Variants in CNTN4 observed in about 807,000 individuals in gnomAD.
CNTN4 encodes the protein contactin-4.
CNTN4 carries 77 observed loss-of-function variants against 122.5 expected under a neutral mutation model. The observed-to-expected ratio is 0.63, with a 90% CI of 0.52 to 0.76. The LOEUF (loss-of-function observed/expected upper bound fraction) is 0.76, where lower values mean the gene tolerates loss of function less well. CNTN4 is among the 30% of genes least tolerant of loss of function. The pLI is 0.00. For synonymous variants in CNTN4, 512 were observed against 447.0 expected (o/e 1.15, Z -1.83); for missense variants, 1,256 against 1,259.1 (o/e 1.00, Z 0.04).
chr3:2,166,257 A>C (rs1481243789), intron 2 of CNTN4, among the ~76,000 whole-genome samples: 1 of 152,122 alleles, frequency 6.6e-6, no homozygotes, highest in Non-Finnish European at 1.5e-5. Flanking sequence ...CGCAAATCAA[A>C]ACCACAATGA....
intron 3 of CNTN4, among the ~76,000 whole-genome samples, chr3:2,380,080 A>G (rs2045962830): frequency 6.8e-6 from 1 of 147,500 alleles, no homozygotes; most frequent in Non-Finnish European, 1.5e-5. Context: ...AAAAAATCAT[A>G]GGGTTTTGGT....
intron 13 of CNTN4, among the ~76,000 whole-genome samples, chr3:2,948,446 G>C (rs991990585): frequency 6.6e-6 from 1 of 152,164 alleles, no homozygotes; most frequent in East Asian, 1.9e-4. Context: ...AGTGGTGGTG[G>C]TAACAGAGAA....
At chr3:3,050,771 A>AAAAAAT (rs1701184962) in intron 23 of CNTN4, among the ~76,000 whole-genome samples, 1 of 151,370 alleles carries the variant, frequency 6.6e-6, no homozygotes, top group Non-Finnish European at 1.5e-5. Flanking sequence ...CTCAAAAAAA[A>AAAAAAT]AAAAAAAAAA....
chr3:2,317,552 T>C (rs2043146668), intron 2 of CNTN4, among the ~76,000 whole-genome samples: 1 of 152,194 alleles, frequency 6.6e-6, no homozygotes, highest in South Asian at 2.1e-4. Flanking sequence ...ATTGGTTCGT[T>C]GTGCAGTGGA....
At chr3:2,409,970 T>C (rs1312083827) in intron 3 of CNTN4, among the ~76,000 whole-genome samples, 1 of 152,198 alleles carries the variant, frequency 6.6e-6, no homozygotes, top group African/African-American at 2.4e-5. Context: ...AAGAAAAGAT[T>C]CTACTGGGTC....
intron 2 of CNTN4, among the ~76,000 whole-genome samples, chr3:2,119,827 G>A (rs894268249): frequency 6.6e-6 from 1 of 152,132 alleles, no homozygotes; most frequent in Non-Finnish European, 1.5e-5. Flanking sequence ...AGAGCTTAGG[G>A]TGTGGTAGGG....
intron 7 of CNTN4, among the ~76,000 whole-genome samples, chr3:2,837,246 T>TATGTGGAGGAGTTTCCAC (rs2093247742): frequency 3.3e-5 from 5 of 152,202 alleles, no homozygotes; most frequent in Non-Finnish European, 5.9e-5. Context: ...GATGTTTGCA[T>TATGTGGAGGAGTTTCCAC]TATGTGGAGG....
intron 2 of CNTN4, among the ~76,000 whole-genome samples, chr3:2,152,095 A>G (rs1159883506): frequency 6.6e-6 from 1 of 152,228 alleles, no homozygotes; most frequent in Admixed American, 6.5e-5. Flanking sequence ...AGGTCAAGGT[A>G]GGTCTCATAG....
At chr3:2,555,525 G>A (rs1236464114) in intron 3 of CNTN4, among the ~76,000 whole-genome samples, 2 of 152,134 alleles carry the variant, frequency 1.3e-5, no homozygotes, top group Non-Finnish European at 2.9e-5. Flanking sequence ...GAGAAATCCT[G>A]AATGCTGTCA....
rs150517316 is a variant in CNTN4, at chr3:2,770,275, G to A, written c.358+24578G>A. ...GAACTCCTGACCTCGTGATCCGCCT[G>A]CCTCAGCCTCCCAAAGTGCTGGGAT... On this transcript the variant is annotated intron_variant, in intron 6 of 24. Transcript: ENST00000418658. Among the ~76,000 whole-genome samples the A allele has an allele frequency of 1.2e-3, 187 of 152,252 alleles. 1 individual carries two copies. The highest frequency in any genetic ancestry group is 4.3e-3 in the African/African-American group (178 of 41,560).
At chr3:2,405,495 C>T (rs2047000628) in intron 3 of CNTN4, among the ~76,000 whole-genome samples, 1 of 152,014 alleles carries the variant, frequency 6.6e-6, no homozygotes, top group South Asian at 2.1e-4. Flanking sequence ...CCCCCAATGA[C>T]CAAAGCTGCA....
chr3:2,783,973 A>G (rs1353933645), intron 6 of CNTN4, among the ~76,000 whole-genome samples: 1 of 152,242 alleles, frequency 6.6e-6, no homozygotes, highest in African/African-American at 2.4e-5. Context: ...ATACTCTTTT[A>G]TTAACCATAA....
chr3:2,450,231 C>G (rs986640500), intron 3 of CNTN4, among the ~76,000 whole-genome samples: 1 of 151,796 alleles, frequency 6.6e-6, no homozygotes, highest in African/African-American at 2.4e-5. Flanking sequence ...GCTGGTCATG[C>G]TGGCACATAC....
In CNTN4 at chr3:2,925,872, C is replaced by A; in HGVS notation, c.1358+93C>A. ...TCTAAGGGGAAGGTGGGGTGACTATCTGCTGTTCCTGAACTAAGTGTTAAA... is the reference window on the plus strand; with the variant it reads ...TCTAAGGGGAAGGTGGGGTGACTATATGCTGTTCCTGAACTAAGTGTTAAA... On this transcript the variant is annotated intron_variant, in intron 13 of 24. Transcript: ENST00000418658. The A allele has an allele frequency of 2.8e-6, 3 of 1,064,418 alleles. No individual in the cohort carries two copies. The South Asian group carries it at 3.9e-5, about 14-fold the overall frequency. 65.9% of individuals were successfully genotyped at this position (1,064,418 alleles called of 1,614,324 possible).
intron 2 of CNTN4, among the ~76,000 whole-genome samples, chr3:2,274,417 G>A (rs2041421233): frequency 6.6e-6 from 1 of 151,686 alleles, no homozygotes; most frequent in South Asian, 2.1e-4. Context: ...AAACAACCCA[G>A]GAATCATTCT....
At chr3:2,117,896 C>T (rs1296817859) in intron 2 of CNTN4, among the ~76,000 whole-genome samples, 2 of 152,164 alleles carry the variant, frequency 1.3e-5, no homozygotes. Context: ...TCACATCTGT[C>T]AGGTGGTTTT....
chr3:2,164,184 AAAAGG>A (rs959149598), intron 2 of CNTN4, among the ~76,000 whole-genome samples: 23 of 152,234 alleles, frequency 1.5e-4, no homozygotes, highest in African/African-American at 5.1e-4. Context: ...AAAAAAGAAA[AAAAGG>A]AAAGCAAAAT....
intron 6 of CNTN4, among the ~76,000 whole-genome samples, chr3:2,782,736 C>T (rs2091654901): frequency 6.6e-6 from 1 of 152,142 alleles, no homozygotes; most frequent in Non-Finnish European, 1.5e-5. Context: ...GGCTTTCAGG[C>T]TAAGCTACTG....
chr3:3,005,537 G>T (rs868087087), intron 14 of CNTN4, among the ~76,000 whole-genome samples: 3 of 152,146 alleles, frequency 2.0e-5, no homozygotes, highest in Admixed American at 6.5e-5. Context: ...CCCCGTTTCC[G>T]CAGCGTAAGC....
Sources: gnomAD v4.1 joint callset for allele counts (sites outside exome capture counted in the v4.1 genomes callset) on GRCh38, gnomAD v4.1.1 for gene constraint, MANE v1.5 for transcripts, NCBI Gene and HGNC (gene_info 2026-07-23, HGNC 2026-07-21) for gene names.